Variants in ANO10 observed in about 807,000 individuals in gnomAD.
The protein encoded by ANO10 is anoctamin 10.
A neutral mutation model predicts 74.7 loss-of-function variants in ANO10; 77 were observed. That is an observed-to-expected ratio of 1.03 (90% CI 0.86 to 1.25). The LOEUF is 1.25. Ranked by LOEUF, ANO10 falls within the 50% of genes most tolerant of loss-of-function variation. The pLI, the probability that ANO10 is intolerant of heterozygous loss-of-function variation, is 0.00. For missense variants in ANO10, 721 were observed against 778.1 expected, an observed-to-expected ratio of 0.93 and a Z score of 0.87; for synonymous variants, 279 against 284.9, an observed-to-expected ratio of 0.98 and a Z score of 0.21.
At chr3:43,422,095 G>T (rs999169553) in intron 12 of ANO10, among the ~76,000 whole-genome samples, 1 of 152,074 alleles carries the variant, frequency 6.6e-6, no homozygotes. Context: ...CTTTAAAAAA[G>T]AATACATCTT....
chr3:43,376,939 C>T (rs1046418351), intron 12 of ANO10, among the ~76,000 whole-genome samples: 1 of 152,130 alleles, frequency 6.6e-6, no homozygotes, highest in African/African-American at 2.4e-5. Context: ...TATCCTCAGC[C>T]CCATGATACT....
intron 12 of ANO10, among the ~76,000 whole-genome samples, chr3:43,422,559 A>G (rs1244537093): frequency 6.6e-6 from 1 of 152,206 alleles, no homozygotes; most frequent in Non-Finnish European, 1.5e-5. Context: ...CTTCTACAGC[A>G]TAGTGGCCCC....
At chr3:43,590,093 C>T (rs1210543926) in intron 4 of ANO10, among the ~76,000 whole-genome samples, 1 of 151,986 alleles carries the variant, frequency 6.6e-6, no homozygotes, top group Admixed American at 6.6e-5. Context: ...TTTAAATTGA[C>T]AGAAACTAAT....
rs1355069630 is a variant in ANO10, at chr3:43,593,619, T to C, written c.472+4913A>G. ...GGGCTCCTGAAGGAAGCACTAAACATGGATTGGAACAACCGGTACCAGCCA... is the reference window on the plus strand; with the variant it reads ...GGGCTCCTGAAGGAAGCACTAAACACGGATTGGAACAACCGGTACCAGCCA... On this transcript the variant is annotated intron_variant, in intron 4 of 12. Coordinates refer to ENST00000292246, the MANE Select transcript of ANO10 (RefSeq NM_018075.5). Among the ~76,000 whole-genome samples, 6 of 152,086 alleles carry C rather than the reference T, an allele frequency of 3.9e-5. No homozygotes were observed. The South Asian group carries it at 6.2e-4, about 16-fold the overall frequency.
At chr3:43,624,849 T>A (rs1297156881), upstream of ANO10, among the ~76,000 whole-genome samples, 1 of 152,228 alleles carries the variant, frequency 6.6e-6, no homozygotes, top group Non-Finnish European at 1.5e-5. Context: ...TTAAAACTTA[T>A]GCAATGTTTA....
chr3:43,588,256 T>G (rs191657576), intron 4 of ANO10, among the ~76,000 whole-genome samples: 1 of 152,162 alleles, frequency 6.6e-6, no homozygotes, highest in Non-Finnish European at 1.5e-5. Context: ...GGTAATGTTA[T>G]TAAGAATCAA....
At chr3:43,419,767 C>T (rs1035625226) in intron 12 of ANO10, among the ~76,000 whole-genome samples, 6 of 152,100 alleles carry the variant, frequency 3.9e-5, no homozygotes, top group African/African-American at 1.2e-4. Flanking sequence ...CCACCCACCT[C>T]GGCCTCCCAA....
intron 11 of ANO10, among the ~76,000 whole-genome samples, chr3:43,456,333 G>A (rs2075126627): frequency 6.6e-6 from 1 of 152,136 alleles, no homozygotes; most frequent in Non-Finnish European, 1.5e-5. Context: ...ACTGAGTTTT[G>A]CCTTAAAGGT....
intron 11 of ANO10, among the ~76,000 whole-genome samples, chr3:43,538,943 T>A (rs2078837124): frequency 6.6e-6 from 1 of 152,254 alleles, no homozygotes; most frequent in African/African-American, 2.4e-5. Context: ...GTAGAATTTA[T>A]GTTAGTGAAT....
intron 11 of ANO10, among the ~76,000 whole-genome samples, chr3:43,440,782 G>C (rs1180958043): frequency 6.6e-6 from 1 of 151,878 alleles, no homozygotes; most frequent in Non-Finnish European, 1.5e-5. Flanking sequence ...AGATTCTCCA[G>C]TACAGATCAT....
rs150487968 is a variant in ANO10 at position 43,534,524 on chromosome 3, G to A, written c.1797+15196C>T. Among the ~76,000 whole-genome samples, 1,408 of 150,772 alleles carry A rather than the reference G, an allele frequency of 9.3e-3. 20 individuals are homozygous for A. Among genetic ancestry groups the A allele is most frequent in the African/African-American group, 0.032 (1,282 of 40,692 alleles). The stretch of plus-strand genomic sequence containing the variant: ...CGGGAGACAGAGAGAAAGAGAGAGA[G>A]AAGGGGGTTGGGGGGAGGGAGGGAG... On this transcript the variant is annotated intron_variant, in intron 11 of 12. Transcript: ENST00000292246.
chr3:43,466,375 AAAAAAAAAAAAACAAAC>A (rs2075617542), intron 11 of ANO10, among the ~76,000 whole-genome samples: 1 of 69,500 alleles, frequency 1.4e-5, no homozygotes, highest in East Asian at 3.9e-4. Context: ...ATCTCAAAAA[AAAAAAAAAAAAACAAAC>A]AAAAAAACCA....
In ANO10 at chr3:43,544,262, G is replaced by A. The variant is rs1334466660; in HGVS notation, c.1797+5458C>T. Among the ~76,000 whole-genome samples, 3 of 152,012 alleles carry A rather than the reference G, an allele frequency of 2.0e-5. No homozygotes were observed. The East Asian group carries it at 5.8e-4, about 29-fold the overall frequency. ...TATTTATTTTTAACCCACAAAAAAT[G>A]GCATTTTCACATGTTTTCATCTATT... On this transcript the variant is annotated intron_variant, in intron 11 of 12. Transcript: ENST00000292246.
At chr3:43,680,946 A>T (rs1270117809) in intron 1 of ANO10, among the ~76,000 whole-genome samples, 1 of 152,238 alleles carries the variant, frequency 6.6e-6, no homozygotes, top group Non-Finnish European at 1.5e-5. Flanking sequence ...CATGGAAAGG[A>T]ACAACTGGTA....
At chr3:43,533,280 A>G (rs779042977) in intron 11 of ANO10, among the ~76,000 whole-genome samples, 3 of 152,222 alleles carry the variant, frequency 2.0e-5, no homozygotes, top group Non-Finnish European at 2.9e-5. Flanking sequence ...TCAAAGAACC[A>G]TATCACTGAG....
At chr3:43,683,773 C>T (rs942630411) in intron 1 of ANO10, among the ~76,000 whole-genome samples, 10 of 152,054 alleles carry the variant, frequency 6.6e-5, no homozygotes, top group African/African-American at 2.4e-4. Flanking sequence ...AGAAATAATA[C>T]CACACATCTA....
chr3:43,461,738 T>C (rs1474476069), intron 11 of ANO10, among the ~76,000 whole-genome samples: 2 of 152,208 alleles, frequency 1.3e-5, no homozygotes, highest in South Asian at 2.1e-4. Context: ...TAAGCCTCCT[T>C]CTTTTATAAA....
At chr3:43,578,891 A>C (rs1280144438) in intron 5 of ANO10, among the ~76,000 whole-genome samples, 1 of 152,148 alleles carries the variant, frequency 6.6e-6, no homozygotes, top group African/African-American at 2.4e-5. Flanking sequence ...TAAAATGACT[A>C]TTGTATGACC....
Position 43,432,645 on chromosome 3 carries a change from A to G in ANO10, c.1880T>C (p.Leu627Pro), listed in dbSNP as rs2093000519. The G allele has an allele frequency of 6.2e-7, 1 of 1,613,814 alleles. No homozygotes were observed. The highest frequency in any genetic ancestry group is 1.7e-5 in the Admixed American group (1 of 59,970). Residue 627 changes from leucine (L) to proline (P), a missense_variant, in exon 12 of 13, where the codon CTG becomes CCG. Physicochemically the swap from Leu to Pro is moderately conservative, Grantham distance 98 (BLOSUM62 -3). Coordinates refer to ENST00000292246, the MANE Select transcript of ANO10 (RefSeq NM_018075.5). The part of the protein sequence containing the change: ...PRHIQMKLAR[L>P]EFESLEALKQ... Reference sequence around the variant, plus strand: ...GAGTGCCTCCAAAGACTCAAATTCCAGTCTGGCTAGTTTCATCTGGATATG... The same window carrying G: ...GAGTGCCTCCAAAGACTCAAATTCCGGTCTGGCTAGTTTCATCTGGATATG...
Sources: gnomAD v4.1 joint callset for allele counts (sites outside exome capture counted in the v4.1 genomes callset) on GRCh38, gnomAD v4.1.1 for gene constraint, MANE v1.5 for transcripts, NCBI Gene and HGNC (gene_info 2026-07-23, HGNC 2026-07-21) for gene names.